PEX14: variants seen among roughly 807,000 people sequenced by gnomAD.
PEX14 encodes the protein peroxisomal biogenesis factor 14.
PEX14 carries 15 observed loss-of-function variants against 49.5 expected under a neutral mutation model. The observed-to-expected ratio is 0.30, with a 90% confidence interval of 0.20 to 0.47. The LOEUF (loss-of-function observed/expected upper bound fraction) is 0.47, where lower values mean the gene tolerates loss of function less well. Among genes scored for constraint, PEX14 ranks in the 20% least tolerant of loss-of-function variants. The probability of loss-of-function intolerance (pLI) is 1.00; values close to 1 mark genes in which losing one functional copy is unlikely to be tolerated. For missense variants in PEX14, 398 were observed against 494.8 expected, an observed-to-expected ratio of 0.80 and a Z score of 1.86; for synonymous variants, 210 against 212.7, an observed-to-expected ratio of 0.99 and a Z score of 0.11.
At position 10,495,076 on chromosome 1, in the gene PEX14, C is replaced by T; in HGVS notation, c.37-198C>T. ...AAGTGAACCCAGAAACAGTCTTCAT[C>T]TTCCCTGGTGAATTCAGACTCTTTG... On this transcript the variant is annotated intron_variant, in intron 1 of 8. Transcript: ENST00000356607. The surrounding 1 kb of genome is among the most constrained non-coding windows in gnomAD (Gnocchi z 4.2). 1.0e-6 allele frequency: 1 copy of T among 982,946 alleles called. No homozygotes were observed. The highest frequency in any genetic ancestry group is 1.2e-6 in the Non-Finnish European group (1 of 827,674). The allele number at this position is 982,946 out of a possible 1,614,324, so 60.9% of individuals were successfully genotyped here. A position where few individuals can be genotyped will look rare whatever the true frequency, so the allele number is the denominator to read the frequency against.
Position 10,565,031 on chromosome 1 carries a change from G to A in PEX14, c.169+28734G>A, listed in dbSNP as rs938577709. 2.7e-5 allele frequency among the ~76,000 whole-genome samples: 4 copies of A among 150,662 alleles called. No homozygotes were observed. In the Admixed American group the frequency reaches 2.7e-4, roughly 10 times the overall value. ...TGATTCTTCTGCCTCAGCCTCCCAA[G>A]TAGTTGGGACTACAGGTGTGCACCA... On this transcript the variant is annotated intron_variant, in intron 3 of 8. Coordinates refer to ENST00000356607, the MANE Select transcript of PEX14 (RefSeq NM_004565.3).
intron 3 of PEX14, among the ~76,000 whole-genome samples, chr1:10,572,775 A>T (rs1392091099): frequency 6.6e-6 from 1 of 152,064 alleles, no homozygotes; most frequent in East Asian, 1.9e-4. Flanking sequence ...TGACCTCGTG[A>T]TCCGCTCTCC....
intron 2 of PEX14, among the ~76,000 whole-genome samples, chr1:10,500,076 AT>A (rs1415903462): frequency 6.6e-6 from 1 of 151,976 alleles, no homozygotes; most frequent in Non-Finnish European, 1.5e-5. Context: ...CAGAAGGCGT[AT>A]TTTGATGGAT....
At chr1:10,491,619 A>G (rs1199426934) in intron 1 of PEX14, among the ~76,000 whole-genome samples, 1 of 130,224 alleles carries the variant, frequency 7.7e-6, no homozygotes, top group Non-Finnish European at 1.6e-5. Flanking sequence ...CTCCCATTGT[A>G]CCCTCCCAGA....
chr1:10,602,519 G>A (rs1009846302), intron 4 of PEX14, among the ~76,000 whole-genome samples: 12 of 151,876 alleles, frequency 7.9e-5, no homozygotes, highest in Non-Finnish European at 1.2e-4. Context: ...TACTTGTAGC[G>A]GTAATTTATT....
chr1:10,566,528 G>T (rs1348389657), intron 3 of PEX14, among the ~76,000 whole-genome samples: 9 of 148,334 alleles, frequency 6.1e-5, no homozygotes, highest in African/African-American at 2.0e-4. Context: ...CACTCTTGTT[G>T]CCCAGGTTGG....
intron 3 of PEX14, among the ~76,000 whole-genome samples, chr1:10,577,552 ATATATATATATTT>A (rs1640171372): frequency 2.2e-4 from 2 of 9,216 alleles, no homozygotes; most frequent in African/African-American, 5.9e-4. Context: ...ATATATATAT[ATATATATATATTT>A]TTTTTTTTTT....
intron 3 of PEX14, among the ~76,000 whole-genome samples, chr1:10,545,812 G>A (rs765988390): frequency 6.2e-4 from 94 of 152,320 alleles, no homozygotes; most frequent in Admixed American, 1.9e-3. Flanking sequence ...GGGAGACTGA[G>A]ACAGAAGGAT....
intron 1 of PEX14, among the ~76,000 whole-genome samples, chr1:10,478,314 A>G (rs556657974): frequency 1.3e-5 from 2 of 152,152 alleles, no homozygotes; most frequent in Non-Finnish European, 2.9e-5. Flanking sequence ...CCTTTCTTCA[A>G]GTTCTATTAC....
At chr1:10,607,810 C>G (rs1641167060) in intron 4 of PEX14, among the ~76,000 whole-genome samples, 3 of 152,158 alleles carry the variant, frequency 2.0e-5, no homozygotes, top group Admixed American at 2.0e-4. Flanking sequence ...AGTATTTCCT[C>G]CCAGTTGGTG....
chr1:10,520,756 C>T (rs535776142), intron 2 of PEX14, among the ~76,000 whole-genome samples: 5 of 152,226 alleles, frequency 3.3e-5, no homozygotes, highest in African/African-American at 7.2e-5. Context: ...GGCAGGAATT[C>T]GAAACGGGTC....
chr1:10,550,819 G>A (rs2506900), intron 3 of PEX14, among the ~76,000 whole-genome samples: 110,751 of 152,130 alleles, frequency 0.73, 41,429 homozygotes, highest in Non-Finnish European at 0.82. Flanking sequence ...GAATCACATT[G>A]TAGAAAATGA....
intron 3 of PEX14, among the ~76,000 whole-genome samples, chr1:10,545,244 G>A (rs1261546107): frequency 1.3e-5 from 2 of 151,994 alleles, no homozygotes; most frequent in Non-Finnish European, 2.9e-5. Flanking sequence ...ACCTGTTGAT[G>A]GACATTTGGG....
intron 7 of PEX14, 34 bp from the exon 8 acceptor site, chr1:10,627,238 G>T (rs372470499): frequency 6.6e-7 from 1 of 1,515,972 alleles, no homozygotes; most frequent in Non-Finnish European, 9.2e-7. Flanking sequence ...GCCGCAAGGC[G>T]CCCGCCCTGA....
In PEX14 at chr1:10,599,358, A is replaced by C. The variant is rs1180939221; in HGVS notation, c.290A>C (p.Gln97Pro). 12 of 1,613,786 alleles carry C rather than the reference A, an allele frequency of 7.4e-6. No homozygotes were observed. Among genetic ancestry groups the C allele is most frequent in the Non-Finnish European group, 1.0e-5 (12 of 1,179,674 alleles). Reference sequence around the variant, plus strand: ...GTCCAGCCCCCTCACCTCATATCTCAGCCATACAGTAAGTCACCCGCTCAA... The same window carrying C: ...GTCCAGCCCCCTCACCTCATATCTCCGCCATACAGTAAGTCACCCGCTCAA... ...VPVQPPHLIS[Q>P]PYSPAGSRWR... is the part of the protein sequence containing the mutation. Residue 97 changes from glutamine to proline, a missense_variant, in exon 4 of 9, where the codon CAG becomes CCG. Gln to Pro is a moderately conservative substitution (Grantham distance 76). This residue lies in a region of PEX14 where 202 missense variants were observed against 298.5 expected (regional missense o/e 0.68). Transcript: ENST00000356607.
At chr1:10,523,570 A>C (rs1012007269) in intron 2 of PEX14, among the ~76,000 whole-genome samples, 1 of 152,042 alleles carries the variant, frequency 6.6e-6, no homozygotes, top group African/African-American at 2.4e-5. Context: ...CAGTGAAGGA[A>C]TCTGAGGCAC....
intron 3 of PEX14, among the ~76,000 whole-genome samples, chr1:10,594,001 G>A (rs1640751553): frequency 6.6e-6 from 1 of 152,164 alleles, no homozygotes; most frequent in South Asian, 2.1e-4. Flanking sequence ...ATGAAATACA[G>A]CACAGCTTTC....
chr1:10,599,053 A>G (rs1431895809), intron 3 of PEX14, among the ~76,000 whole-genome samples, 185 bp from the exon 4 acceptor site: 1 of 152,222 alleles, frequency 6.6e-6, no homozygotes, highest in African/African-American at 2.4e-5. Flanking sequence ...GTTGAGGCTA[A>G]TATTCTGTCG....
chr1:10,502,259 G>A (rs753589746), intron 2 of PEX14, among the ~76,000 whole-genome samples: 1 of 152,090 alleles, frequency 6.6e-6, no homozygotes, highest in Non-Finnish European at 1.5e-5. Context: ...GGTTGGGAAG[G>A]TGCCTGTGAT....
Sources: gnomAD v4.1 joint callset for allele counts (sites outside exome capture counted in the v4.1 genomes callset) on GRCh38, gnomAD v4.1.1 for gene constraint, gnomAD v4.1.1 regional missense constraint, Gnocchi (gnomAD v3.1) non-coding constraint, MANE v1.5 for transcripts, NCBI Gene and HGNC (gene_info 2026-07-23, HGNC 2026-07-21) for gene names.